TACC2: variants seen among roughly 807,000 people sequenced by gnomAD.
TACC2 encodes the protein transforming acidic coiled-coil containing protein 2, also known as transforming acidic coiled-coil-containing protein 2.
A neutral mutation model predicts 227.3 loss-of-function variants in TACC2; 137 were observed. The observed-to-expected ratio is 0.60, with a 90% confidence interval of 0.52 to 0.69. The LOEUF (loss-of-function observed/expected upper bound fraction) is 0.69, where lower values mean the gene tolerates loss of function less well. TACC2 is among the 30% of genes least tolerant of loss of function. The pLI is 0.00. For missense variants in TACC2, 3,470 were observed against 3,694.4 expected (o/e 0.94, Z 1.57); for synonymous variants, 1,523 against 1,487.5 (o/e 1.02, Z -0.55).
At chr10:122,214,651 T>C (rs1302014332) in intron 9 of TACC2, among the ~76,000 whole-genome samples, 2 of 152,230 alleles carry the variant, frequency 1.3e-5, no homozygotes, top group Admixed American at 1.3e-4. Flanking sequence ...AAGGCATCCC[T>C]TTCTCCTGGG....
At position 122,239,828 on chromosome 10, in the gene TACC2, C is replaced by T. The variant is rs997977581; in HGVS notation, c.8348+1791C>T. Among the ~76,000 whole-genome samples the T allele has an allele frequency of 5.3e-5, 8 of 152,326 alleles. No homozygotes were observed. In the East Asian group the frequency reaches 5.8e-4, roughly 11 times the overall value. On this transcript the variant is annotated intron_variant, in intron 18 of 22. Transcript: ENST00000369005. ...TTTGGTAGCCCGAATGTCAGCCCGTCAGCCTCTGGAGCTAGACTAGGTGAA... is the reference window on the plus strand; with the variant it reads ...TTTGGTAGCCCGAATGTCAGCCCGTTAGCCTCTGGAGCTAGACTAGGTGAA...
chr10:122,220,662 AG>A (rs1419818383), intron 11 of TACC2, among the ~76,000 whole-genome samples: 1 of 152,266 alleles, frequency 6.6e-6, no homozygotes, highest in Admixed American at 6.5e-5. Flanking sequence ...CACCAACCAC[AG>A]GAAAAGGAAA....
intron 1 of TACC2, among the ~76,000 whole-genome samples, chr10:122,020,446 G>A (rs1310618398): frequency 6.6e-6 from 1 of 152,062 alleles, no homozygotes; most frequent in Non-Finnish European, 1.5e-5. Flanking sequence ...TTCTTAGTTT[G>A]GAGGCATTTT....
At chr10:122,043,522 T>TTTTC (rs71022889) in intron 2 of TACC2, among the ~76,000 whole-genome samples, 115,985 of 144,056 alleles carry the variant, frequency 0.81, 46,606 homozygotes, top group Middle Eastern at 0.85. Flanking sequence ...TTTTTCTTTC[T>TTTTC]TTTCTTTCTT....
At position 122,058,900 on chromosome 10, in the gene TACC2, T is replaced by C. The variant is rs1359901490; in HGVS notation, c.146+8350T>C. Among the ~76,000 whole-genome samples the C allele has an allele frequency of 4.0e-5, 6 of 151,024 alleles. No individual in the cohort carries two copies. The East Asian group carries it at 1.2e-3, about 30-fold the overall frequency. On this transcript the variant is annotated intron_variant, in intron 3 of 22. Transcript: ENST00000369005. The stretch of plus-strand genomic sequence containing the variant: ...AGCCCAGCCCCCTCTGTGTGTTTTT[T>C]TTTTTTTTTGAGACACGGTTTCGTT...
chr10:122,170,878 G>A (rs561600728), intron 7 of TACC2, among the ~76,000 whole-genome samples: 1 of 152,172 alleles, frequency 6.6e-6, no homozygotes, highest in African/African-American at 2.4e-5. Flanking sequence ...TCCCCTCAGC[G>A]GGCATCTTCT....
chr10:122,176,103 CTCTCTCTCTCTCTCTATATA>C (rs1435354544), intron 7 of TACC2, among the ~76,000 whole-genome samples: 50 of 77,870 alleles, frequency 6.4e-4, no homozygotes, highest in African/African-American at 1.6e-3. Flanking sequence ...CTCTCTCTCT[CTCTCTCTCTCTCTCTATATA>C]TATATATATA....
chr10:122,149,993 C>T (rs1201247277), intron 7 of TACC2, among the ~76,000 whole-genome samples: 2 of 152,226 alleles, frequency 1.3e-5, no homozygotes, highest in South Asian at 4.1e-4. Context: ...GAAATGTGAG[C>T]TGCCGCGGAG....
chr10:122,093,364 G>C (rs1425984613), intron 5 of TACC2, among the ~76,000 whole-genome samples: 1 of 151,982 alleles, frequency 6.6e-6, no homozygotes. Flanking sequence ...TTTGGTCTCT[G>C]TTTCTTCCTT....
chr10:122,235,169 CT>C (rs2141562779), intron 16 of TACC2, among the ~76,000 whole-genome samples: 1 of 152,344 alleles, frequency 6.6e-6, no homozygotes, highest in East Asian at 1.9e-4. Flanking sequence ...TCACTGCAAC[CT>C]TTGCCTCCTG....
In TACC2 at chr10:122,200,575, G is replaced by C. The variant is rs556928401; in HGVS notation, c.5971+5399G>C. On this transcript the variant is annotated intron_variant, in intron 8 of 22. Transcript: ENST00000369005. ...CACAGTGGCTGCGTTCACATGGGGAGGACGGCCACCTCACCTGCCCACAGT... is the reference window on the plus strand; with the variant it reads ...CACAGTGGCTGCGTTCACATGGGGACGACGGCCACCTCACCTGCCCACAGT... 1.5e-4 allele frequency among the ~76,000 whole-genome samples: 22 copies of C among 149,492 alleles called. No individual in the cohort carries two copies. The East Asian group carries it at 4.3e-3, about 29-fold the overall frequency.
chr10:122,150,282 C>T lies in TACC2; in HGVS notation c.5834+6576C>T, dbSNP rs191489916. On this transcript the variant is annotated intron_variant, in intron 7 of 22. Transcript: ENST00000369005. This position sits in a 1 kb window ranked among gnomAD's most constrained non-coding sequence, Gnocchi z 4.0. ...GGGGATCCCGCCCTGAAATGGGGCTCAGGGAGGAACATATGGGCAGGCATC... is the reference window on the plus strand; with the variant it reads ...GGGGATCCCGCCCTGAAATGGGGCTTAGGGAGGAACATATGGGCAGGCATC... Among the ~76,000 whole-genome samples, 78 of 152,336 alleles carry T rather than the reference C, an allele frequency of 5.1e-4. No homozygotes were observed. Among genetic ancestry groups the T allele is most frequent in the Middle Eastern group, 3.4e-3 (1 of 294 alleles).
rs149466373 is a variant in TACC2 at position 122,091,753 on chromosome 10, C to T, written c.5573+3162C>T. ...TCCTGCCAGGCCAGGGGCTGTACTT[C>T]CTAGGAGGGGCAGGTGTTGCCTTTG... On this transcript the variant is annotated intron_variant, in intron 5 of 22. Transcript: ENST00000369005. Among the ~76,000 whole-genome samples, 294 of 152,188 alleles carry T rather than the reference C, an allele frequency of 1.9e-3. 1 individual carries two copies. Among genetic ancestry groups the T allele is most frequent in the Non-Finnish European group, 3.4e-3 (233 of 67,960 alleles).
At chr10:122,185,166 T>C (rs1387854427) in intron 7 of TACC2, among the ~76,000 whole-genome samples, 1 of 150,592 alleles carries the variant, frequency 6.6e-6, no homozygotes, top group East Asian at 2.0e-4. Context: ...GTGCCTGGCC[T>C]ATCACATACT....
intron 5 of TACC2, among the ~76,000 whole-genome samples, chr10:122,114,641 C>G (rs552026226): frequency 5.8e-4 from 88 of 152,312 alleles, no homozygotes; most frequent in African/African-American, 2.1e-3. Flanking sequence ...AGCCACCCTC[C>G]TTGTGCAAAT....
intron 3 of TACC2, among the ~76,000 whole-genome samples, chr10:122,053,418 G>A (rs2075914373): frequency 6.6e-6 from 1 of 151,952 alleles, no homozygotes; most frequent in African/African-American, 2.4e-5. Context: ...AATTCAAGAT[G>A]AGATTTGGGT....
chr10:122,087,856 C>A lies in TACC2; in HGVS notation c.5356C>A (p.Pro1786Thr). The change falls in exon 4 of 23, where the codon CCA becomes ACA. Residue 1786 changes from proline (P) to threonine (T), a missense_variant. By Grantham distance (38) the Pro-to-Thr change is conservative. Around this residue, in one of 10 missense-constraint regions of TACC2, gnomAD observed 1,924 missense variants for 1,978.3 expected, o/e 0.97. Transcript: ENST00000369005. ...KEQPGPERPIPAGDGKVCVSS... is the reference protein window; with the variant it reads ...KEQPGPERPITAGDGKVCVSS... ...GCAGCCAGGGCCTGAGCGCCCCATT[C>A]CAGCTGGGGATGGGAAGGTGTGCGT... 6.6e-7 allele frequency: 1 copy of A among 1,524,526 alleles called. No homozygotes were observed. The highest frequency in any genetic ancestry group is 8.8e-7 in the Non-Finnish European group (1 of 1,137,010). The allele number at this position is 1,524,526 out of a possible 1,614,324, so 94.4% of individuals were successfully genotyped here. A position where few individuals can be genotyped will look rare whatever the true frequency, so the allele number is the denominator to read the frequency against.
chr10:122,073,126 A>AATATATATAT (rs1167084872), intron 3 of TACC2, among the ~76,000 whole-genome samples: 22 of 71,010 alleles, frequency 3.1e-4, no homozygotes, highest in African/African-American at 8.7e-4. Flanking sequence ...AAAAAAAAAA[A>AATATATATAT]ATATATATAT....
intron 8 of TACC2, among the ~76,000 whole-genome samples, chr10:122,204,827 CAA>C (rs565625713): frequency 5.9e-5 from 8 of 134,838 alleles, no homozygotes; most frequent in South Asian, 2.4e-4. Flanking sequence ...CCTGGCTCTT[CAA>C]AAAAAAAAAA....
Sources: gnomAD v4.1 joint callset for allele counts (sites outside exome capture counted in the v4.1 genomes callset) on GRCh38, gnomAD v4.1.1 for gene constraint, gnomAD v4.1.1 regional missense constraint, Gnocchi (gnomAD v3.1) non-coding constraint, MANE v1.5 for transcripts, NCBI Gene and HGNC (gene_info 2026-07-23, HGNC 2026-07-21) for gene names.